DAB1: variants seen among roughly 807,000 people sequenced by gnomAD.
DAB1 encodes DAB adaptor protein 1, also known as disabled homolog 1.
DAB1 carries 15 observed loss-of-function variants against 64.6 expected under a neutral mutation model. That is an observed-to-expected ratio of 0.23 (90% CI 0.16 to 0.36). The LOEUF is 0.36. DAB1 is among the 10% of genes least tolerant of loss of function. DAB1 has a pLI of 1.00. For missense variants in DAB1, 596 were observed against 706.7 expected, an observed-to-expected ratio of 0.84 and a Z score of 1.78; for synonymous variants, 235 against 251.9, an observed-to-expected ratio of 0.93 and a Z score of 0.64.
intron 3 of DAB1, among the ~76,000 whole-genome samples, chr1:58,494,089 A>G (rs1645750246): frequency 6.6e-6 from 1 of 152,210 alleles, no homozygotes; most frequent in African/African-American, 2.4e-5. Context: ...ATTGGAACAG[A>G]ACAGAGCCCT....
intron 2 of DAB1, among the ~76,000 whole-genome samples, chr1:57,263,645 T>C (rs1670368169): frequency 6.6e-6 from 1 of 152,032 alleles, no homozygotes; most frequent in Admixed American, 6.6e-5. Flanking sequence ...TATGAGCCAT[T>C]AGGAGAAAAT....
chr1:58,478,172 A>G (rs563679132), intron 3 of DAB1, among the ~76,000 whole-genome samples: 4 of 152,194 alleles, frequency 2.6e-5, no homozygotes, highest in Admixed American at 1.3e-4. Flanking sequence ...ACTTCTCACC[A>G]TATCTGATGG....
intron 5 of DAB1, among the ~76,000 whole-genome samples, chr1:58,067,930 T>C (rs1648962295): frequency 6.6e-6 from 1 of 152,212 alleles, no homozygotes; most frequent in African/African-American, 2.4e-5. Flanking sequence ...CACATAATAA[T>C]CTTTATCTCA....
At position 58,031,939 on chromosome 1, in the gene DAB1, A is replaced by C. The variant is rs574830920; in HGVS notation, n.387+118572T>G. On this transcript the variant is annotated intron_variant and non_coding_transcript_variant, in intron 5 of 20. Coordinates refer to the DAB1 transcript ENST00000485760. ...TCCTAAGGTTGAAATTGTAAAAAAAAAAATCTTCCCTTTGCTCCATTTTAT... is the reference window on the plus strand; with the variant it reads ...TCCTAAGGTTGAAATTGTAAAAAAACAAATCTTCCCTTTGCTCCATTTTAT... Among the ~76,000 whole-genome samples the C allele has an allele frequency of 2.0e-5, 3 of 152,076 alleles. No individual in the cohort carries two copies. The South Asian group carries it at 6.2e-4, about 32-fold the overall frequency.
At chr1:58,021,256 C>A (rs1374275047) in intron 5 of DAB1, among the ~76,000 whole-genome samples, 1 of 152,204 alleles carries the variant, frequency 6.6e-6, no homozygotes, top group Non-Finnish European at 1.5e-5. Context: ...ATGCACTGGG[C>A]ATAAAAGCTG....
intron 5 of DAB1, among the ~76,000 whole-genome samples, chr1:57,951,377 T>C (rs1645276843): frequency 7.1e-6 from 1 of 141,080 alleles, no homozygotes; most frequent in African/African-American, 2.6e-5. Flanking sequence ...TATGGCTAGA[T>C]ATTCTTTTTC....
intron 1 of DAB1, among the ~76,000 whole-genome samples, chr1:57,303,118 A>T (rs1301961294): frequency 6.6e-6 from 1 of 152,080 alleles, no homozygotes; most frequent in Non-Finnish European, 1.5e-5. Context: ...GGGCTTTTGA[A>T]CTCCTGAGAT....
chr1:58,010,116 AG>A (rs1646646050), intron 5 of DAB1, among the ~76,000 whole-genome samples: 1 of 152,184 alleles, frequency 6.6e-6, no homozygotes, highest in Non-Finnish European at 1.5e-5. Flanking sequence ...CTCTGCTAAA[AG>A]CTGTTATTCA....
rs550534426 is a variant in DAB1 at position 57,788,054 on chromosome 1, T to C, written n.551+95945A>G. ...ATCTGGAGCAAGTGGAACTCTCAAA[T>C]ACTATTGGTGGAAAGTAAATGTTAC... On this transcript the variant is annotated intron_variant and non_coding_transcript_variant, in intron 6 of 20. Coordinates refer to the DAB1 transcript ENST00000485760. 4.6e-5 allele frequency among the ~76,000 whole-genome samples: 7 copies of C among 152,152 alleles called. No individual in the cohort carries two copies. In the East Asian group the frequency reaches 1.4e-3, roughly 29 times the overall value.
intron 4 of DAB1, among the ~76,000 whole-genome samples, chr1:58,161,115 G>A (rs1655512131): frequency 6.6e-6 from 1 of 152,170 alleles, no homozygotes; most frequent in Non-Finnish European, 1.5e-5. Context: ...CACCAGCAAA[G>A]GTAGAACCAC....
At chr1:57,925,712 C>T (rs1399913597) in intron 5 of DAB1, among the ~76,000 whole-genome samples, 2 of 152,176 alleles carry the variant, frequency 1.3e-5, no homozygotes, top group East Asian at 1.9e-4. Context: ...CACCCAAGGA[C>T]AATACCTAAG....
intron 5 of DAB1, among the ~76,000 whole-genome samples, chr1:58,025,647 G>GTA (rs1646880098): frequency 1.6e-5 from 1 of 63,978 alleles, no homozygotes; most frequent in African/African-American, 5.0e-5. Flanking sequence ...ATATATATAT[G>GTA]TGTGTATATA....
At chr1:58,258,142 C>G (rs547133155) in intron 4 of DAB1, among the ~76,000 whole-genome samples, 3 of 152,240 alleles carry the variant, frequency 2.0e-5, no homozygotes, top group Admixed American at 1.3e-4. Flanking sequence ...AGCATTGTTA[C>G]GGCGGGTGTC....
chr1:57,857,874 G>GAAAAAAAA (rs1245082848), intron 1 of DAB1, among the ~76,000 whole-genome samples: 2 of 78,938 alleles, frequency 2.5e-5, no homozygotes, highest in African/African-American at 4.8e-5. Flanking sequence ...AAAGAAAAAA[G>GAAAAAAAA]AAAAAAAAAA....
chr1:58,352,930 C>T (rs544713726), intron 3 of DAB1, among the ~76,000 whole-genome samples: 2 of 152,052 alleles, frequency 1.3e-5, no homozygotes, highest in African/African-American at 4.8e-5. Context: ...TCTGCTGGTG[C>T]CTTGATCTTT....
chr1:58,333,851 C>A (rs898510303), intron 4 of DAB1, among the ~76,000 whole-genome samples: 2 of 152,190 alleles, frequency 1.3e-5, no homozygotes, highest in African/African-American at 4.8e-5. Flanking sequence ...TATTGTCAAT[C>A]CAAATTTGCA....
chr1:57,549,996 C>A (rs1234607500), intron 7 of DAB1, among the ~76,000 whole-genome samples: 1 of 152,136 alleles, frequency 6.6e-6, no homozygotes, highest in African/African-American at 2.4e-5. Context: ...ACAAGACTGA[C>A]ATCAAATGAG....
intron 6 of DAB1, among the ~76,000 whole-genome samples, chr1:57,708,340 A>G (rs774421199): frequency 6.6e-6 from 1 of 152,172 alleles, no homozygotes; most frequent in Non-Finnish European, 1.5e-5. Context: ...CCCAAGTTGT[A>G]AGACGTCGTT....
At chr1:57,979,696 A>G (rs1204810244) in intron 5 of DAB1, among the ~76,000 whole-genome samples, 2 of 152,192 alleles carry the variant, frequency 1.3e-5, no homozygotes, top group Non-Finnish European at 2.9e-5. Context: ...CAGCATTATC[A>G]CTTGCTATCT....
Sources: allele counts gnomAD v4.1 joint callset (sites outside exome capture counted in the v4.1 genomes callset), GRCh38; gene constraint gnomAD v4.1.1; transcripts MANE v1.5; gene names NCBI Gene and HGNC (gene_info 2026-07-23, HGNC 2026-07-21).